Variants in AHNAK observed in about 807,000 individuals in gnomAD.
AHNAK encodes neuroblast differentiation-associated protein AHNAK.
AHNAK carries 23 observed loss-of-function variants against 37.8 expected under a neutral mutation model. The ratio of observed to expected loss-of-function variants is 0.61; its 90% CI spans 0.44 to 0.86. AHNAK has a LOEUF of 0.86. AHNAK is among the 40% of genes least tolerant of loss of function. The pLI is 0.00. For synonymous variants in AHNAK, 2,481 were observed against 2,636.3 expected (o/e 0.94, Z 1.80); for missense variants, 7,411 against 7,319.4 (o/e 1.01, Z -0.46).
chr11:62,452,070 C>T (rs187097385), intron 5 of AHNAK, among the ~76,000 whole-genome samples: 2,079 of 152,160 alleles, frequency 0.014, 22 homozygotes, highest in Non-Finnish European at 0.022. Flanking sequence ...CCTCGGCCTC[C>T]CAAAGTGCTG....
chr11:62,496,798 CAAGAAAGA>C lies in AHNAK; in HGVS notation c.343-4975_343-4968del, dbSNP rs548105819. 3.3e-4 allele frequency among the ~76,000 whole-genome samples: 44 copies of C among 134,936 alleles called. 1 individual carries two copies. Among genetic ancestry groups the C allele is most frequent in the Admixed American group, 1.4e-3 (17 of 11,980 alleles). 88.5% of individuals were successfully genotyped at this position (134,936 alleles called of 152,430 possible). A position where few individuals can be genotyped will look rare whatever the true frequency, so the allele number is the denominator to read the frequency against. On this transcript the variant is annotated intron_variant, in intron 4 of 5. Transcript: ENST00000257247. ...CAGCAGAGGGAGGGAGACTCCATCT[CAAGAAAGA>C]AAGAAAGAAAGAAAAAGAAGAAAGA... is the stretch of plus-strand genomic sequence containing the variant.
At chr11:62,514,378 G>A (rs928557001), downstream of AHNAK, among the ~76,000 whole-genome samples, 2 of 152,200 alleles carry the variant, frequency 1.3e-5, no homozygotes, top group Admixed American at 6.5e-5. Context: ...GCACCCCGGG[G>A]ACAGCCCCAG....
intron 5 of AHNAK, among the ~76,000 whole-genome samples, chr11:62,448,478 T>G (rs1359061773): frequency 6.6e-6 from 1 of 151,806 alleles, no homozygotes; most frequent in Admixed American, 6.6e-5. Context: ...CTTTCCAATG[T>G]GGAAATTATA....
At chr11:62,463,448 T>C (rs1252894323) in intron 5 of AHNAK, among the ~76,000 whole-genome samples, 1 of 137,286 alleles carries the variant, frequency 7.3e-6, no homozygotes, top group African/African-American at 2.5e-5. Flanking sequence ...GCTCCGCTCC[T>C]CTCCTCCATC....
At chr11:62,513,396 A>G (rs1322270801), downstream of AHNAK, among the ~76,000 whole-genome samples, 1 of 152,158 alleles carries the variant, frequency 6.6e-6, no homozygotes, top group African/African-American at 2.4e-5. Context: ...TTAGCCAGGT[A>G]TGGTGGCAGG....
intron 5 of AHNAK, among the ~76,000 whole-genome samples, chr11:62,460,956 G>A (rs1468871480): frequency 2.7e-5 from 4 of 149,818 alleles, no homozygotes; most frequent in South Asian, 2.1e-4. Context: ...GAGTAGCTGC[G>A]ACTACAGGCG....
At chr11:62,436,568 TG>T (rs1466765238) in intron 5 of AHNAK, among the ~76,000 whole-genome samples, 16 of 151,822 alleles carry the variant, frequency 1.1e-4, no homozygotes, top group Admixed American at 1.3e-4. Context: ...AGGCACATAT[TG>T]GGTGCTCCAT....
intron 5 of AHNAK, among the ~76,000 whole-genome samples, chr11:62,477,373 A>G (rs1939171893): frequency 6.6e-6 from 1 of 152,136 alleles, no homozygotes. Flanking sequence ...GGAGGGTGGG[A>G]GGAGGAGAGA....
At position 62,536,072 on chromosome 11, in the gene AHNAK, C is replaced by T; in HGVS notation, c.27G>A (p.Glu9=). MEKEETTR[E]LLLPNWQGSG... is the part of the protein sequence containing the mutation. ...TACCCTGCCAGTTGGGCAGCAGCAG[C>T]TCCCGGGTTGTCTCCTCCTTCTCCA... Residue 9 remains glutamate (E), a synonymous_variant, in exon 3 of 5, where the codon GAG becomes GAA. Coordinates refer to ENST00000378024, the MANE Select transcript of AHNAK (RefSeq NM_001620.3). The T allele has an allele frequency of 2.5e-6, 4 of 1,595,944 alleles. No homozygotes were observed. The highest frequency in any genetic ancestry group is 3.4e-6 in the Non-Finnish European group (4 of 1,170,660).
chr11:62,463,073 G>A (rs1000440268), intron 5 of AHNAK, among the ~76,000 whole-genome samples: 3 of 150,110 alleles, frequency 2.0e-5, no homozygotes, highest in Middle Eastern at 6.8e-3. Context: ...GCAGTGAGGC[G>A]AGATCGTGCC....
chr11:62,475,163 C>T (rs1939117433), intron 5 of AHNAK, among the ~76,000 whole-genome samples: 1 of 152,132 alleles, frequency 6.6e-6, no homozygotes, highest in African/African-American at 2.4e-5. Context: ...ATTAGCCAGG[C>T]ATAGTGGCAG....
Position 62,456,182 on chromosome 11 carries a change from C to T in AHNAK, c.443-22291G>A, listed in dbSNP as rs539527241. The stretch of plus-strand genomic sequence containing the variant: ...CTCGGGAAGCTAACCCTGCAGACAC[C>T]TTGATCTTGGACTTCCAGCCTCCAG... On this transcript the variant is annotated intron_variant, in intron 5 of 5. Transcript: ENST00000257247. Among the ~76,000 whole-genome samples, 3 of 152,278 alleles carry T rather than the reference C, an allele frequency of 2.0e-5. No homozygotes were observed. The South Asian group carries it at 6.2e-4, about 32-fold the overall frequency.
intron 5 of AHNAK, among the ~76,000 whole-genome samples, chr11:62,444,033 A>G (rs1482320496): frequency 6.6e-6 from 1 of 152,090 alleles, no homozygotes; most frequent in African/African-American, 2.4e-5. Context: ...TCCCCCTCCA[A>G]TGCACGATGG....
intron 5 of AHNAK, among the ~76,000 whole-genome samples, chr11:62,472,242 C>G (rs960262154): frequency 6.6e-6 from 1 of 152,086 alleles, no homozygotes; most frequent in Admixed American, 6.6e-5. Flanking sequence ...CTCTGTGGCT[C>G]TCACCCGACT....
rs767040244 is a variant in AHNAK at position 62,523,889 on chromosome 11, T to C, written c.10528A>G (p.Met3510Val). ...KGDINIEGPS[M>V]NIEGPDLNVE... ...TTGAGATCTGGGCCCTCAATGTTCATACTTGGGCCCTCTATGTTGATGTCT... is the reference window on the plus strand; with the variant it reads ...TTGAGATCTGGGCCCTCAATGTTCACACTTGGGCCCTCTATGTTGATGTCT... The change falls in exon 5 of 5, where the codon ATG becomes GTG. Residue 3510 changes from methionine (M) to valine (V), a missense_variant. Coordinates refer to ENST00000378024, the MANE Select transcript of AHNAK (RefSeq NM_001620.3). 4.6e-5 allele frequency: 74 copies of C among 1,613,974 alleles called. 1 individual carries two copies. Among genetic ancestry groups the C allele is most frequent in the Non-Finnish European group, 6.0e-5 (71 of 1,180,024 alleles).
chr11:62,536,735 G>A (rs1940962341), intron 1 of AHNAK, among the ~76,000 whole-genome samples, 168 bp from the exon 2 acceptor site: 1 of 152,146 alleles, frequency 6.6e-6, no homozygotes, highest in South Asian at 2.1e-4. Context: ...CGGCATAGCA[G>A]AAAGGGGCTT....
Position 62,521,902 on chromosome 11 carries a change from A to G in AHNAK, c.12515T>C (p.Ile4172Thr), listed in dbSNP as rs1031629679. ...EVDIKGPKVD[I>T]DVPDVDVQGP... ...TTGAACGTCCACATCTGGGACATCA[A>G]TGTCCACTTTGGGGCCCTTGATGTC... Residue 4172 changes from isoleucine to threonine, a missense_variant, in exon 5 of 5, where the codon ATT becomes ACT. Physicochemically the swap from Ile to Thr is moderately conservative, Grantham distance 89. Coordinates refer to ENST00000378024, the MANE Select transcript of AHNAK (RefSeq NM_001620.3). The G allele has an allele frequency of 6.2e-6, 10 of 1,612,520 alleles. No individual in the cohort carries two copies. The highest frequency in any genetic ancestry group is 2.7e-5 in the African/African-American group (2 of 74,302).
At chr11:62,500,471 C>T (rs1198137009) in intron 4 of AHNAK, among the ~76,000 whole-genome samples, 1 of 152,146 alleles carries the variant, frequency 6.6e-6, no homozygotes, top group African/African-American at 2.4e-5. Flanking sequence ...AGAACACTAC[C>T]TTCGTTAACG....
chr11:62,532,502 G>C lies in AHNAK; in HGVS notation c.1915C>G (p.Pro639Ala), dbSNP rs777631966. Reference protein sequence around the residue: ...PKMKMPTFSTPGAKGEGPDVH... With the variant: ...PKMKMPTFSTAGAKGEGPDVH... ...TCTGGACCTTCCCCTTTGGCTCCTG[G>C]AGTGCTGAACGTGGGCATTTTCATC... The change falls in exon 5 of 5, where the codon CCA becomes GCA. Residue 639 changes from proline (P) to alanine (A), a missense_variant. By Grantham distance (27) the Pro-to-Ala change is conservative. Transcript: ENST00000378024. The C allele has an allele frequency of 8.1e-6, 13 of 1,613,932 alleles. No homozygotes were observed. Among genetic ancestry groups the C allele is most frequent in the Middle Eastern group, 3.3e-4 (2 of 6,062 alleles).
Sources: allele counts gnomAD v4.1 joint callset (sites outside exome capture counted in the v4.1 genomes callset), GRCh38; gene constraint gnomAD v4.1.1; transcripts MANE v1.5; gene names NCBI Gene and HGNC (gene_info 2026-07-23, HGNC 2026-07-21).